The following CYP4Z1 variants were observed in gnomAD, a reference collection of about 807,000 sequenced individuals.
The protein encoded by CYP4Z1 is cytochrome P450 family 4 subfamily Z member 1, also known as cytochrome P450 4Z1.
In CYP4Z1, 41 loss-of-function variants were observed where a neutral mutation model predicts 54.2. That is an observed-to-expected ratio of 0.76 (90% confidence interval 0.59 to 0.98). CYP4Z1 has a LOEUF of 0.98. Among genes scored for constraint, CYP4Z1 ranks in the 50% least tolerant of loss-of-function variants. CYP4Z1 has a pLI of 0.00. For synonymous variants in CYP4Z1, 163 were observed against 206.2 expected (o/e 0.79, Z 1.79); for missense variants, 513 against 599.0 (o/e 0.86, Z 1.50).
intron 9 of CYP4Z1, among the ~76,000 whole-genome samples, chr1:47,108,679 C>A (rs995256583): frequency 6.6e-6 from 1 of 152,180 alleles, no homozygotes; most frequent in African/African-American, 2.4e-5. Flanking sequence ...CCAACAAGTG[C>A]ATATTAAACA....
intron 1 of CYP4Z1, among the ~76,000 whole-genome samples, 166 bp from the exon 2 acceptor site, chr1:47,068,456 A>G (rs575633221): frequency 1.1e-4 from 17 of 152,278 alleles, no homozygotes; most frequent in Non-Finnish European, 2.4e-4. Flanking sequence ...GATTCTGTGG[A>G]GGTGCTGGAG....
chr1:47,060,958 A>T, the CYP4Z1 span, among the ~76,000 whole-genome samples: 1 of 152,190 alleles, frequency 6.6e-6, no homozygotes, highest in Non-Finnish European at 1.5e-5. Context: ...ATGACTTCTG[A>T]GTAAACAATG....
intron 7 of CYP4Z1, 56 bp downstream of exon 7, chr1:47,094,725 T>G (rs1644664399): frequency 7.3e-7 from 1 of 1,372,432 alleles, no homozygotes; most frequent in Non-Finnish European, 1.0e-6. Flanking sequence ...AATAAAGAAA[T>G]AGGCCGGGCA....
chr1:47,116,702 A>G lies in CYP4Z1; in HGVS notation c.1319A>G (p.Tyr440Cys). The G allele has an allele frequency of 6.2e-7, 1 of 1,611,896 alleles. No homozygotes were observed. The highest frequency in any genetic ancestry group is 8.5e-7 in the Non-Finnish European group (1 of 1,178,622). Residue 440 changes from tyrosine (Y) to cysteine (C), a missense_variant, in exon 11 of 12, where the codon TAT becomes TGT. Tyr to Cys is a radical substitution (Grantham distance 194). Transcript: ENST00000334194. The part of the protein sequence containing the change: ...SRENSEKIHP[Y>C]AFIPFSAGLR... ...GAAAATTCTGAAAAAATACATCCCTATGCCTTCATACCATTCTCAGCTGGA... is the reference window on the plus strand; with the variant it reads ...GAAAATTCTGAAAAAATACATCCCTGTGCCTTCATACCATTCTCAGCTGGA...
intron 6 of CYP4Z1, among the ~76,000 whole-genome samples, chr1:47,091,740 A>G (rs1644639304): frequency 6.7e-6 from 1 of 149,722 alleles, no homozygotes; most frequent in Non-Finnish European, 1.5e-5. Context: ...ATTATTTCCT[A>G]GGGTTAACCT....
chr1:47,057,031 T>G, the CYP4Z1 span, among the ~76,000 whole-genome samples: 2 of 152,194 alleles, frequency 1.3e-5, no homozygotes, highest in Middle Eastern at 3.4e-3. Context: ...TCTTTACAAT[T>G]TGGCATGTTT....
rs1262218280 is a variant in CYP4Z1 at position 47,118,191 on chromosome 1, G to A, written c.*257G>A. ...AAATTATTGGTTTGTGTAACTAGTGGTAGAGTGGCTTTCAAGCATAGTTTG... is the reference window on the plus strand; with the variant it reads ...AAATTATTGGTTTGTGTAACTAGTGATAGAGTGGCTTTCAAGCATAGTTTG... On this transcript the variant is annotated 3_prime_UTR_variant, in exon 12 of 12. Coordinates refer to ENST00000334194, the MANE Select transcript of CYP4Z1 (RefSeq NM_178134.3). 5 of 341,642 alleles carry A rather than the reference G, an allele frequency of 1.5e-5. No individual in the cohort carries two copies. The highest frequency in any genetic ancestry group is 1.1e-5 in the Non-Finnish European group (2 of 186,870). 21.2% of individuals were successfully genotyped at this position (341,642 alleles called of 1,614,324 possible). A position where few individuals can be genotyped will look rare whatever the true frequency, so the allele number is the denominator to read the frequency against.
At chr1:47,104,450 G>A (rs1383750046) in intron 8 of CYP4Z1, among the ~76,000 whole-genome samples, 4 of 152,208 alleles carry the variant, frequency 2.6e-5, no homozygotes, top group African/African-American at 9.7e-5. Context: ...CCTGGGTTCT[G>A]GAAATGGCAG....
chr1:47,065,348 G>GA (rs968267230), upstream of CYP4Z1, among the ~76,000 whole-genome samples: 3 of 151,464 alleles, frequency 2.0e-5, no homozygotes, highest in East Asian at 5.8e-4. Context: ...AACCACAATG[G>GA]AAAAAAAATT....
intron 2 of CYP4Z1, among the ~76,000 whole-genome samples, chr1:47,073,793 G>A (rs1644498883): frequency 6.6e-6 from 1 of 151,888 alleles, no homozygotes; most frequent in South Asian, 2.1e-4. Context: ...GATTAATTGG[G>A]CTGTCTTTTT....
chr1:47,074,017 C>T (rs1415660934), intron 2 of CYP4Z1, among the ~76,000 whole-genome samples: 1 of 150,982 alleles, frequency 6.6e-6, no homozygotes, highest in African/African-American at 2.4e-5. Context: ...GAAACCATTG[C>T]CCAGTCCAAA....
chr1:47,111,549 A>G (rs1054487770), intron 9 of CYP4Z1, among the ~76,000 whole-genome samples: 3 of 152,184 alleles, frequency 2.0e-5, no homozygotes, highest in African/African-American at 7.2e-5. Context: ...CTACTAACAG[A>G]TTTTAACTGC....
upstream of CYP4Z1, among the ~76,000 whole-genome samples, chr1:47,062,445 T>A (rs1644429162): frequency 6.6e-6 from 1 of 152,172 alleles, no homozygotes; most frequent in Non-Finnish European, 1.5e-5. Context: ...TGGAGCAAGT[T>A]CTCAGCCCTG....
chr1:47,102,211 G>A (rs961331355), intron 8 of CYP4Z1, among the ~76,000 whole-genome samples: 1 of 152,144 alleles, frequency 6.6e-6, no homozygotes, highest in Admixed American at 6.6e-5. Context: ...TTCAGCCAAT[G>A]TATACCTTTT....
intron 2 of CYP4Z1, among the ~76,000 whole-genome samples, chr1:47,076,250 AT>A (rs551825634): frequency 4.6e-4 from 70 of 150,958 alleles, no homozygotes; most frequent in African/African-American, 1.6e-3. Context: ...TTGTTTGTTA[AT>A]TTTTTTCTAT....
At chr1:47,076,826 C>G (rs59046017) in intron 2 of CYP4Z1, among the ~76,000 whole-genome samples, 44,249 of 118,752 alleles carry the variant, frequency 0.37, 9,279 homozygotes, top group East Asian at 0.96. Flanking sequence ...GCCTGGGCGA[C>G]AGAGCCAGAC....
chr1:47,095,828 A>G lies in CYP4Z1; in HGVS notation c.876+1159A>G, dbSNP rs868325949. Among the ~76,000 whole-genome samples, 51 of 152,304 alleles carry G rather than the reference A, an allele frequency of 3.3e-4. No individual in the cohort carries two copies. The Middle Eastern group carries it at 0.01, about 30-fold the overall frequency. On this transcript the variant is annotated intron_variant, in intron 7 of 11. Transcript: ENST00000334194. ...TACCAAATGGCACCATGTGAACATA[A>G]TTTTCCATCATCATCTCCAAGTGTT... is the stretch of plus-strand genomic sequence containing the variant.
rs1159251255 is a variant in CYP4Z1 at position 47,094,566 on chromosome 1, A to T, written c.773A>T (p.Glu258Val). The T allele has an allele frequency of 1.3e-6, 2 of 1,565,014 alleles. No homozygotes were observed. The highest frequency in any genetic ancestry group is 1.7e-6 in the Non-Finnish European group (2 of 1,153,588). Residue 258 changes from glutamate to valine, a missense_variant and splice_region_variant, in exon 7 of 12, where the codon GAG (glutamate) becomes GTG (valine). Glu to Val is a moderately radical substitution (Grantham distance 121, BLOSUM62 -2). Coordinates refer to ENST00000334194, the MANE Select transcript of CYP4Z1 (RefSeq NM_178134.3). ...KFNQELHQFTEKVIQDRKESL... is the reference protein window; with the variant it reads ...KFNQELHQFTVKVIQDRKESL... ...CAAAGATCATAATTTTTCCATCTAG[A>T]GAAAGTAATCCAGGACCGGAAGGAG...
At chr1:47,087,329 A>G (rs1644603784) in intron 6 of CYP4Z1, among the ~76,000 whole-genome samples, 1 of 152,208 alleles carries the variant, frequency 6.6e-6, no homozygotes, top group South Asian at 2.1e-4. Flanking sequence ...ACCCATGAGC[A>G]TGGAATGTTC....
Sources: allele counts gnomAD v4.1 joint callset (sites outside exome capture counted in the v4.1 genomes callset), GRCh38; gene constraint gnomAD v4.1.1; transcripts MANE v1.5; gene names NCBI Gene and HGNC (gene_info 2026-07-23, HGNC 2026-07-21).